Variants in TRIM29 observed in about 807,000 individuals in gnomAD.
The protein encoded by TRIM29 is tripartite motif containing 29, also known as tripartite motif-containing protein 29.
TRIM29 carries 52 observed loss-of-function variants against 57.3 expected under a neutral mutation model. The ratio of observed to expected loss-of-function variants is 0.91; its 90% CI spans 0.73 to 1.14. TRIM29 has a LOEUF of 1.14. Ranked by LOEUF, TRIM29 falls within the 50% of genes most tolerant of loss-of-function variation. TRIM29 has a pLI of 0.00. For synonymous variants in TRIM29, 319 were observed against 316.9 expected, an observed-to-expected ratio of 1.01 and a Z score of -0.07; for missense variants, 753 against 774.6, an observed-to-expected ratio of 0.97 and a Z score of 0.33.
intron 4 of TRIM29, chr11:120,123,382 T>G: frequency 1.9e-6 from 1 of 515,130 alleles, no homozygotes; most frequent in Non-Finnish European, 3.8e-6. Flanking sequence ...CATACATCAA[T>G]TGTGGTTGTA....
intron 5 of TRIM29, 123 bp downstream of exon 5, chr11:120,122,831 G>C (rs1863492194): frequency 1.4e-6 from 1 of 735,282 alleles, no homozygotes; most frequent in Admixed American, 2.3e-5. Flanking sequence ...GACTTTCCCA[G>C]GCAAACTGGA....
intron 6 of TRIM29, 62 bp from the exon 7 acceptor site, chr11:120,118,383 C>G: frequency 7.5e-7 from 1 of 1,326,496 alleles, no homozygotes; most frequent in Non-Finnish European, 1.1e-6. Flanking sequence ...GAGGCAGGAC[C>G]AGGACACAGC....
intron 3 of TRIM29, 161 bp from the exon 4 acceptor site, chr11:120,126,050 C>G: frequency 1.4e-6 from 1 of 697,170 alleles, no homozygotes; most frequent in South Asian, 2.0e-5. Flanking sequence ...AAAGGTTCAA[C>G]TAAAAGCCAC....
Position 120,112,274 on chromosome 11 carries a change from G to A in TRIM29, c.*140C>T. 2.1e-6 allele frequency: 2 copies of A among 947,300 alleles called. No individual in the cohort carries two copies. The highest frequency in any genetic ancestry group is 3.2e-5 in the South Asian group (2 of 62,694). The allele number at this position is 947,300 out of a possible 1,614,324, so 58.7% of individuals were successfully genotyped here. On this transcript the variant is annotated 3_prime_UTR_variant, in exon 9 of 9. Coordinates refer to ENST00000341846, the MANE Select transcript of TRIM29 (RefSeq NM_012101.4). ...TCGGAGAGGCCGGAACTGCCCCCAA[G>A]AGGCTGGCAGAGGGCTGCAGAGGGC...
At chr11:120,121,948 C>A (rs756072509) in intron 5 of TRIM29, 17 of 448,490 alleles carry the variant, frequency 3.8e-5, no homozygotes, top group South Asian at 2.6e-4. Context: ...AGGCACAGCA[C>A]CCCAGGCAGG....
intron 1 of TRIM29, among the ~76,000 whole-genome samples, chr11:120,133,129 G>C (rs1348501124): frequency 6.6e-6 from 1 of 152,164 alleles, no homozygotes; most frequent in Non-Finnish European, 1.5e-5. Flanking sequence ...CTACACATTA[G>C]AATTCTCTAG....
chr11:120,133,216 G>C (rs1038327939), intron 1 of TRIM29, among the ~76,000 whole-genome samples: 6 of 152,206 alleles, frequency 3.9e-5, no homozygotes, highest in Admixed American at 3.3e-4. Flanking sequence ...TTCTGGTCTG[G>C]GGATTGCTGT....
intron 3 of TRIM29, 110 bp downstream of exon 3, chr11:120,127,226 T>C (rs560155638): frequency 5.6e-6 from 5 of 890,342 alleles, no homozygotes; most frequent in Middle Eastern, 3.3e-4. Context: ...GATGAACAGA[T>C]AGACGAATAG....
Position 120,137,338 on chromosome 11 carries a change from T to C in TRIM29, c.694A>G (p.Met232Val). 5 of 1,613,954 alleles carry C rather than the reference T, an allele frequency of 3.1e-6. No individual in the cohort carries two copies. Among genetic ancestry groups the C allele is most frequent in the Non-Finnish European group, 3.4e-6 (4 of 1,179,984 alleles). ...TGGTCGGTCTGGCAGAAGAGCTCCA[T>C]CGTCTTGCCATGCACGGGACACTTG... ...ARKCPVHGKT[M>V]ELFCQTDQTC... Residue 232 changes from methionine (M) to valine (V), a missense_variant, in exon 1 of 9, where the codon ATG (methionine) becomes GTG (valine). Transcript: ENST00000341846. This position sits in a 1 kb window ranked among gnomAD's most constrained non-coding sequence, Gnocchi z 6.2.
At chr11:120,117,960 C>T (rs779120056) in intron 7 of TRIM29, 43 of 510,562 alleles carry the variant, frequency 8.4e-5, no homozygotes, top group Non-Finnish European at 1.4e-4. Context: ...CCGGTCCTGA[C>T]CACTGAGAGC....
At chr11:120,126,969 G>T (rs997132910) in intron 3 of TRIM29, among the ~76,000 whole-genome samples, 16 of 152,142 alleles carry the variant, frequency 1.1e-4, no homozygotes, top group Non-Finnish European at 2.4e-4. Flanking sequence ...AAACGGACTA[G>T]ATCCAAGATA....
rs1049602804 is a variant in TRIM29, at chr11:120,127,357, G to A, written c.1113C>T (p.Ser371=). Residue 371 remains serine (S), a synonymous_variant, in exon 3 of 9, where the codon AGC becomes AGT. Coordinates refer to ENST00000341846, the MANE Select transcript of TRIM29 (RefSeq NM_012101.4). ...TTACCTGCAGAAACAACACAGAGTC[G>A]CTGATGCTATGCAGCTGCTCCCGGG... ...KQTREQLHSI[S]DSVLFLQEFG... The A allele has an allele frequency of 8.1e-6, 13 of 1,613,942 alleles. No homozygotes were observed. The highest frequency in any genetic ancestry group is 2.7e-5 in the African/African-American group (2 of 74,906).
At chr11:120,118,031 A>T in intron 7 of TRIM29, 192 bp downstream of exon 7, 1 of 598,402 alleles carries the variant, frequency 1.7e-6, no homozygotes, top group Admixed American at 2.9e-5. Context: ...GGAAACGCTG[A>T]TGTGGCCCAG....
intron 5 of TRIM29, chr11:120,121,714 CTGTT>C (rs1863450735): frequency 8.0e-6 from 2 of 249,642 alleles, no homozygotes; most frequent in African/African-American, 2.2e-5. Flanking sequence ...GTGGGTGCTG[CTGTT>C]CCCTCCACCC....
intron 7 of TRIM29, chr11:120,116,218 A>C (rs1031350123): frequency 6.6e-6 from 1 of 152,262 alleles, no homozygotes; most frequent in African/African-American, 2.4e-5. Flanking sequence ...GGTTGCAAAG[A>C]TGCTAGTCTA....
At chr11:120,123,155 C>T (rs1247200162) in intron 4 of TRIM29, 100 bp from the exon 5 acceptor site, 3 of 933,288 alleles carry the variant, frequency 3.2e-6, no homozygotes, top group African/African-American at 3.3e-5. Flanking sequence ...CATAGCCCTT[C>T]CCCTATCTCC....
At chr11:120,133,792 T>A (rs562776511) in intron 1 of TRIM29, among the ~76,000 whole-genome samples, 16 of 152,140 alleles carry the variant, frequency 1.1e-4, no homozygotes, top group Non-Finnish European at 2.4e-4. Flanking sequence ...AAGCCACAGA[T>A]GTGGTGAGAG....
intron 1 of TRIM29, among the ~76,000 whole-genome samples, chr11:120,134,122 G>A (rs1462936164): frequency 6.6e-6 from 1 of 152,228 alleles, no homozygotes; most frequent in Non-Finnish European, 1.5e-5. Context: ...GGGGAAGACA[G>A]GAGGACATGT....
intron 1 of TRIM29, among the ~76,000 whole-genome samples, chr11:120,133,774 G>A (rs891939884): frequency 4.6e-5 from 7 of 152,348 alleles, no homozygotes; most frequent in South Asian, 4.1e-4. Context: ...GGAATGAGAC[G>A]AGAAACAAAG....
Sources: gnomAD v4.1 joint callset for allele counts (sites outside exome capture counted in the v4.1 genomes callset) on GRCh38, gnomAD v4.1.1 for gene constraint, Gnocchi (gnomAD v3.1) non-coding constraint, MANE v1.5 for transcripts, NCBI Gene and HGNC (gene_info 2026-07-23, HGNC 2026-07-21) for gene names.